FSTL5: variants seen among roughly 807,000 people sequenced by gnomAD.
The protein encoded by FSTL5 is follistatin like 5.
In FSTL5, 62 loss-of-function variants were observed where a neutral mutation model predicts 89.1. That is an observed-to-expected ratio of 0.70 (90% CI 0.57 to 0.86). FSTL5 has a LOEUF of 0.86. Ranked by LOEUF, FSTL5 falls within the 40% of genes least tolerant of loss-of-function variation. The pLI, the probability that FSTL5 is intolerant of heterozygous loss-of-function variation, is 0.00. For missense variants in FSTL5, 1,057 were observed against 1,001.6 expected, an observed-to-expected ratio of 1.06 and a Z score of -0.75; for synonymous variants, 383 against 346.2, an observed-to-expected ratio of 1.11 and a Z score of -1.18.
chr4:161,478,065 C>T (rs563993552), intron 13 of FSTL5, among the ~76,000 whole-genome samples: 23 of 152,052 alleles, frequency 1.5e-4, no homozygotes, highest in African/African-American at 4.6e-4. Context: ...ATGTAATATT[C>T]GGTCTCACTT....
At chr4:161,865,518 T>G (rs1346224912) in intron 4 of FSTL5, among the ~76,000 whole-genome samples, 1 of 152,208 alleles carries the variant, frequency 6.6e-6, no homozygotes, top group African/African-American at 2.4e-5. Flanking sequence ...AACCACAGTA[T>G]GATTTTGAAA....
chr4:161,739,443 G>C (rs1440465423), intron 6 of FSTL5, among the ~76,000 whole-genome samples: 4 of 152,146 alleles, frequency 2.6e-5, no homozygotes, highest in African/African-American at 9.7e-5. Context: ...CACCCAATCT[G>C]TGATACATTG....
At chr4:162,134,391 T>C (rs1464287642) in intron 1 of FSTL5, among the ~76,000 whole-genome samples, 1 of 152,214 alleles carries the variant, frequency 6.6e-6, no homozygotes, top group East Asian at 1.9e-4. Context: ...AGAAGCTGCA[T>C]ATTAATGTGT....
chr4:161,631,229 T>G (rs1456063862), intron 7 of FSTL5, among the ~76,000 whole-genome samples: 1 of 152,234 alleles, frequency 6.6e-6, no homozygotes, highest in South Asian at 2.1e-4. Flanking sequence ...TTTCTCATAT[T>G]CCTTTAGAAT....
Position 161,597,499 on chromosome 4 carries a change from G to C in FSTL5, c.895-9924C>G, listed in dbSNP as rs1374882503. On this transcript the variant is annotated intron_variant, in intron 7 of 15. Transcript: ENST00000306100. ...TGTTGTGGGGTGGGGGGAGGGGGAA[G>C]GGATAGCATTAGGAGATATACCTAA... Among the ~76,000 whole-genome samples the C allele has an allele frequency of 3.6e-5, 5 of 140,376 alleles. No individual in the cohort carries two copies. In the East Asian group the frequency reaches 1.3e-3, roughly 36 times the overall value. 92.1% of individuals were successfully genotyped at this position (140,376 alleles called of 152,430 possible).
At chr4:161,434,465 C>T (rs1732486444) in intron 15 of FSTL5, among the ~76,000 whole-genome samples, 1 of 151,918 alleles carries the variant, frequency 6.6e-6, no homozygotes, top group African/African-American at 2.4e-5. Flanking sequence ...TACAATAAAA[C>T]ATTGAGGAAA....
intron 6 of FSTL5, among the ~76,000 whole-genome samples, chr4:161,685,619 G>A (rs1441886572): frequency 6.6e-6 from 1 of 152,154 alleles, no homozygotes; most frequent in East Asian, 1.9e-4. Flanking sequence ...TTTGTATCTG[G>A]AAACTTGGCT....
At chr4:162,033,680 G>C (rs778960400) in intron 2 of FSTL5, 22 bp from the exon 3 acceptor site, 27 of 1,385,272 alleles carry the variant, frequency 1.9e-5, no homozygotes, top group Non-Finnish European at 2.7e-5. Flanking sequence ...ACAGAAAATA[G>C]GTCAAAATAT....
At chr4:161,976,377 T>G (rs915269296) in intron 3 of FSTL5, among the ~76,000 whole-genome samples, 10 of 152,136 alleles carry the variant, frequency 6.6e-5, no homozygotes, top group African/African-American at 2.2e-4. Context: ...TTAAGATATA[T>G]TTTCTCCCAA....
At chr4:161,877,813 G>A (rs562450560) in intron 4 of FSTL5, among the ~76,000 whole-genome samples, 1 of 151,660 alleles carries the variant, frequency 6.6e-6, no homozygotes, top group East Asian at 2.0e-4. Flanking sequence ...GCGACAGAGC[G>A]AGACTCCCCT....
intron 6 of FSTL5, among the ~76,000 whole-genome samples, chr4:161,704,583 A>G (rs911656128): frequency 6.6e-6 from 1 of 150,450 alleles, no homozygotes; most frequent in African/African-American, 2.4e-5. Flanking sequence ...AGGTCATTCA[A>G]TTTTTTTTTT....
rs1276018288 is a variant in FSTL5, at chr4:161,606,633, A to T, written c.895-19058T>A. Among the ~76,000 whole-genome samples, 3 of 152,134 alleles carry T rather than the reference A, an allele frequency of 2.0e-5. No individual in the cohort carries two copies. In the South Asian group the frequency reaches 6.2e-4, roughly 31 times the overall value. On this transcript the variant is annotated intron_variant, in intron 7 of 15. Coordinates refer to ENST00000306100, the MANE Select transcript of FSTL5 (RefSeq NM_020116.5). ...TCAGTTGATCACCTTTTAAAAGTTA[A>T]TTTTGTATTAAATTTTGTTTCGTTT... is the stretch of plus-strand genomic sequence containing the variant.
chr4:161,466,467 C>T (rs927873969), intron 13 of FSTL5, among the ~76,000 whole-genome samples: 7 of 152,150 alleles, frequency 4.6e-5, no homozygotes, highest in African/African-American at 1.7e-4. Context: ...AAAGTACCAG[C>T]TGGCTAATTA....
At chr4:161,922,694 G>A (rs929298175) in intron 3 of FSTL5, among the ~76,000 whole-genome samples, 1 of 151,780 alleles carries the variant, frequency 6.6e-6, no homozygotes, top group African/African-American at 2.4e-5. Context: ...TATATACTAA[G>A]AGAAAGACTA....
intron 8 of FSTL5, among the ~76,000 whole-genome samples, chr4:161,562,202 T>TGTCAGTA: frequency 6.6e-6 from 1 of 152,170 alleles, no homozygotes; most frequent in Admixed American, 6.6e-5. Context: ...GTCTATGCTG[T>TGTCAGTA]GTCAGTATCA....
chr4:161,814,280 G>C (rs1479326387), intron 4 of FSTL5, among the ~76,000 whole-genome samples: 2 of 152,058 alleles, frequency 1.3e-5, no homozygotes, highest in Non-Finnish European at 2.9e-5. Flanking sequence ...CTGAAGCCTT[G>C]GGTCTCAGGT....
intron 15 of FSTL5, among the ~76,000 whole-genome samples, chr4:161,407,820 G>A (rs1034164348): frequency 1.3e-5 from 2 of 152,150 alleles, no homozygotes; most frequent in Admixed American, 6.5e-5. Flanking sequence ...AGCCTCCACT[G>A]CCCAGCCTGA....
intron 15 of FSTL5, among the ~76,000 whole-genome samples, chr4:161,444,339 T>C (rs1179192770): frequency 6.6e-6 from 1 of 151,848 alleles, no homozygotes; most frequent in Non-Finnish European, 1.5e-5. Flanking sequence ...CACTATATTT[T>C]TTCTCTCTCC....
chr4:162,060,074 A>G (rs1176944520), intron 2 of FSTL5, among the ~76,000 whole-genome samples: 4 of 152,160 alleles, frequency 2.6e-5, no homozygotes, highest in Non-Finnish European at 5.9e-5. Context: ...TGTATTGAAA[A>G]TAAGGAATCA....
Sources: gnomAD v4.1 joint callset for allele counts (sites outside exome capture counted in the v4.1 genomes callset) on GRCh38, gnomAD v4.1.1 for gene constraint, MANE v1.5 for transcripts, NCBI Gene and HGNC (gene_info 2026-07-23, HGNC 2026-07-21) for gene names.